Variants in ATXN10 observed in about 807,000 individuals in gnomAD.
ATXN10 encodes ataxin 10, also known as ataxin-10.
Under a neutral mutation model 52.9 loss-of-function variants are expected in ATXN10, and 28 were observed. The ratio of observed to expected loss-of-function variants is 0.53; its 90% CI spans 0.39 to 0.73. The LOEUF is 0.73. ATXN10 is among the 30% of genes least tolerant of loss of function. ATXN10 has a pLI of 0.00. For synonymous variants in ATXN10, 226 were observed against 221.5 expected (o/e 1.02, Z -0.18); for missense variants, 565 against 577.0 (o/e 0.98, Z 0.21).
Position 45,754,532 on chromosome 22 carries a change from C to T in ATXN10, c.1173+13994C>T, listed in dbSNP as rs1926105754. The stretch of plus-strand genomic sequence containing the variant: ...ATTCTGCCTCTCTAAGTTAAATGTG[C>T]AGGAAAGGCTTCCTCAAAGCCACTC... On this transcript the variant is annotated intron_variant, in intron 9 of 11. Transcript: ENST00000252934. This position sits in a 1 kb window ranked among gnomAD's most constrained non-coding sequence, Gnocchi z 5.4. Among the ~76,000 whole-genome samples the T allele has an allele frequency of 6.6e-6, 1 of 152,104 alleles. No individual in the cohort carries two copies. Among genetic ancestry groups the T allele is most frequent in the Non-Finnish European group, 1.5e-5 (1 of 68,006 alleles).
intron 3 of ATXN10, among the ~76,000 whole-genome samples, chr22:45,698,918 T>A (rs1923725117): frequency 6.6e-6 from 1 of 152,228 alleles, no homozygotes; most frequent in Non-Finnish European, 1.5e-5. Context: ...TGACTCTTTC[T>A]CTGTGAGAAC....
At chr22:45,802,439 G>A (rs1015503541) in intron 9 of ATXN10, among the ~76,000 whole-genome samples, 8 of 152,156 alleles carry the variant, frequency 5.3e-5, no homozygotes, top group Non-Finnish European at 1.0e-4. Context: ...AAATTGTATC[G>A]TCAGTCACCC....
At chr22:45,738,031 C>T (rs1199518474) in intron 7 of ATXN10, among the ~76,000 whole-genome samples, 1 of 152,068 alleles carries the variant, frequency 6.6e-6, no homozygotes, top group Non-Finnish European at 1.5e-5. Flanking sequence ...ATGATGGGTA[C>T]TTTAAAAATG....
chr22:45,709,869 C>T (rs1176323433), intron 5 of ATXN10, among the ~76,000 whole-genome samples: 1 of 152,196 alleles, frequency 6.6e-6, no homozygotes, highest in Admixed American at 6.5e-5. Context: ...CTGGTACCAC[C>T]ATTTACTCGT....
chr22:45,819,104 T>C lies in ATXN10; in HGVS notation c.1237+12082T>C, dbSNP rs1046364655. On this transcript the variant is annotated intron_variant, in intron 10 of 11. Coordinates refer to ENST00000252934, the MANE Select transcript of ATXN10 (RefSeq NM_013236.4). The surrounding 1 kb of genome is among the most constrained non-coding windows in gnomAD (Gnocchi z 4.5). ...AGAAGCTACATGCAATACTTGTTTT[T>C]CAAAATTGTTTACTCAAACAGTACA... 6.6e-5 allele frequency among the ~76,000 whole-genome samples: 10 copies of C among 152,188 alleles called. No homozygotes were observed. The highest frequency in any genetic ancestry group is 2.2e-4 in the African/African-American group (9 of 41,440).
intron 5 of ATXN10, 119 bp downstream of exon 5, chr22:45,702,966 CAT>C (rs972373038): frequency 1.9e-5 from 23 of 1,223,066 alleles, no homozygotes; most frequent in Middle Eastern, 2.7e-4. Context: ...TAAAACTTAA[CAT>C]GTGTTGACAG....
intron 9 of ATXN10, among the ~76,000 whole-genome samples, chr22:45,802,059 C>T (rs1927947738): frequency 6.6e-6 from 1 of 152,222 alleles, no homozygotes; most frequent in South Asian, 2.1e-4. Flanking sequence ...GGGCCTGTAC[C>T]CTTAGCGGAG....
At chr22:45,802,877 T>C (rs1483082419) in intron 9 of ATXN10, among the ~76,000 whole-genome samples, 1 of 152,226 alleles carries the variant, frequency 6.6e-6, no homozygotes, top group African/African-American at 2.4e-5. Context: ...CCGAATACTT[T>C]TATTTCTCAC....
At chr22:45,716,692 T>C (rs1924460514) in intron 5 of ATXN10, among the ~76,000 whole-genome samples, 1 of 151,988 alleles carries the variant, frequency 6.6e-6, no homozygotes, top group Non-Finnish European at 1.5e-5. Context: ...ACAGTTCTAC[T>C]TTGAGAGGAT....
At chr22:45,788,613 T>C (rs1434087921) in intron 9 of ATXN10, among the ~76,000 whole-genome samples, 1 of 151,974 alleles carries the variant, frequency 6.6e-6, no homozygotes, top group African/African-American at 2.4e-5. Context: ...TTCCAAGACT[T>C]TATATTCCAC....
At position 45,799,834 on chromosome 22, in the gene ATXN10, A is replaced by G. The variant is rs117661052; in HGVS notation, c.1174-7125A>G. Among the ~76,000 whole-genome samples the G allele has an allele frequency of 6.4e-3, 971 of 152,350 alleles. 7 individuals are homozygous for G. Among genetic ancestry groups the G allele is most frequent in the South Asian group, 0.015 (71 of 4,824 alleles). ...ATGACTTACTATAAAGCTAATTAAG[A>G]TAGTATGGTATTTATGTAAATATAG... On this transcript the variant is annotated intron_variant, in intron 9 of 11. Coordinates refer to ENST00000252934, the MANE Select transcript of ATXN10 (RefSeq NM_013236.4).
Position 45,795,706 on chromosome 22 carries a change from A to G in ATXN10, c.1174-11253A>G, listed in dbSNP as rs772941346. ...ACATTTATTAGTTCCCCAAATTAAT[A>G]CTTTTATAATGTCTTACACCTGTCT... is the stretch of plus-strand genomic sequence containing the variant. On this transcript the variant is annotated intron_variant, in intron 9 of 11. Transcript: ENST00000252934. This position sits in a 1 kb window ranked among gnomAD's most constrained non-coding sequence, Gnocchi z 4.6. 6.6e-6 allele frequency among the ~76,000 whole-genome samples: 1 copy of G among 152,212 alleles called. No homozygotes were observed. The highest frequency in any genetic ancestry group is 1.5e-5 in the Non-Finnish European group (1 of 68,038).
At chr22:45,791,491 A>G (rs1190697432) in intron 9 of ATXN10, among the ~76,000 whole-genome samples, 1 of 152,076 alleles carries the variant, frequency 6.6e-6, no homozygotes, top group African/African-American at 2.4e-5. Flanking sequence ...CTGATAATCA[A>G]AAAAAATCAT....
intron 7 of ATXN10, among the ~76,000 whole-genome samples, chr22:45,737,037 T>C (rs562671112): frequency 9.2e-5 from 14 of 152,374 alleles, no homozygotes; most frequent in African/African-American, 3.4e-4. Flanking sequence ...TGATTACCAA[T>C]CTTCAGAATA....
intron 10 of ATXN10, among the ~76,000 whole-genome samples, chr22:45,830,243 T>A (rs1928944497): frequency 6.6e-6 from 1 of 152,206 alleles, no homozygotes; most frequent in Admixed American, 6.5e-5. Flanking sequence ...TGTAAGACTC[T>A]TAGATGAAAA....
At chr22:45,827,323 T>C (rs929405199) in intron 10 of ATXN10, among the ~76,000 whole-genome samples, 5 of 152,214 alleles carry the variant, frequency 3.3e-5, no homozygotes, top group Admixed American at 6.5e-5. Flanking sequence ...TCGGTAATTA[T>C]TTAAATGTAA....
chr22:45,730,149 C>A (rs1355950364), intron 7 of ATXN10, among the ~76,000 whole-genome samples: 3 of 151,936 alleles, frequency 2.0e-5, no homozygotes, highest in Non-Finnish European at 4.4e-5. Flanking sequence ...TTCCAGATCA[C>A]CCTGGGCAAC....
rs1928704244 is a variant in ATXN10 at position 45,823,062 on chromosome 22, A to AC, written c.1237+16040_1237+16041insC. On this transcript the variant is annotated intron_variant, in intron 10 of 11. Transcript: ENST00000252934. The surrounding 1 kb of genome is among the most constrained non-coding windows in gnomAD (Gnocchi z 4.9). ...GTGTCTTATTATTTCATTGAGGTATAACTTAAATAGAGTAAACTGCAAAAT... is the reference window on the plus strand; with the variant it reads ...GTGTCTTATTATTTCATTGAGGTATACACTTAAATAGAGTAAACTGCAAAAT... 4.7e-6 allele frequency: 2 copies of AC among 425,482 alleles called. No individual in the cohort carries two copies. The highest frequency in any genetic ancestry group is 9.7e-6 in the Non-Finnish European group (2 of 206,816). The allele number at this position is 425,482 out of a possible 1,614,324, so 26.4% of individuals were successfully genotyped here.
intron 1 of ATXN10, among the ~76,000 whole-genome samples, chr22:45,686,919 CAG>C (rs1329517310): frequency 6.6e-6 from 1 of 151,790 alleles, no homozygotes; most frequent in Non-Finnish European, 1.5e-5. Context: ...TGAGCAAAGA[CAG>C]AAGATTGGCG....
Sources: allele counts gnomAD v4.1 joint callset (sites outside exome capture counted in the v4.1 genomes callset), GRCh38; gene constraint gnomAD v4.1.1; non-coding constraint Gnocchi (gnomAD v3.1); transcripts MANE v1.5; gene names NCBI Gene and HGNC (gene_info 2026-07-23, HGNC 2026-07-21).